Variants in OPCML observed in about 807,000 individuals in gnomAD.
The protein encoded by OPCML is opioid binding protein/cell adhesion molecule like.
Under a neutral mutation model 37.8 loss-of-function variants are expected in OPCML, and 13 were observed. The observed-to-expected ratio is 0.34, with a 90% confidence interval of 0.22 to 0.55. The LOEUF is 0.55. OPCML is among the 20% of genes least tolerant of loss of function. OPCML has a pLI of 0.91. For synonymous variants in OPCML, 176 were observed against 168.8 expected, an observed-to-expected ratio of 1.04 and a Z score of -0.33; for missense variants, 341 against 435.6, an observed-to-expected ratio of 0.78 and a Z score of 1.93.
At chr11:132,652,184 G>A (rs1047868858) in intron 3 of OPCML, among the ~76,000 whole-genome samples, 1 of 152,102 alleles carries the variant, frequency 6.6e-6, no homozygotes, top group Non-Finnish European at 1.5e-5. Context: ...TCCCTGAAGG[G>A]ATGAGCTACT....
chr11:132,437,106 T>C (rs2096015600), intron 5 of OPCML, 116 bp downstream of exon 5: 2 of 1,480,926 alleles, frequency 1.4e-6, no homozygotes, highest in Non-Finnish European at 1.8e-6. Context: ...TGATGAAGTA[T>C]TTTCCTGTTG....
At chr11:132,690,521 C>G (rs1475037487) in intron 2 of OPCML, among the ~76,000 whole-genome samples, 2 of 152,178 alleles carry the variant, frequency 1.3e-5, no homozygotes, top group Non-Finnish European at 2.9e-5. Flanking sequence ...CATGAAGTGA[C>G]TGGCATATTT....
chr11:133,215,857 C>A (rs906473967), intron 1 of OPCML, among the ~76,000 whole-genome samples: 1 of 152,158 alleles, frequency 6.6e-6, no homozygotes, highest in Admixed American at 6.5e-5. Flanking sequence ...TTGCACAAGC[C>A]GCTAAATGAA....
rs1054268172 is a variant in OPCML at position 132,983,396 on chromosome 11, A to AT, written c.62-40387dup. Among the ~76,000 whole-genome samples, 68 of 151,472 alleles carry AT rather than the reference A, an allele frequency of 4.5e-4. 1 individual carries two copies. The East Asian group carries it at 7.2e-3, about 16-fold the overall frequency. ...CAGTTACTCAAGCAATAAATATTTC[A>AT]TTTTTTTTTCCTGTGTCAACACTGC... On this transcript the variant is annotated intron_variant, in intron 1 of 7. Transcript: ENST00000524381.
chr11:133,518,429 G>A (rs1948330929), intron 1 of OPCML, among the ~76,000 whole-genome samples: 1 of 152,002 alleles, frequency 6.6e-6, no homozygotes, highest in Non-Finnish European at 1.5e-5. Flanking sequence ...ATGGGTTTGT[G>A]TGTAAGTGTG....
intron 2 of OPCML, among the ~76,000 whole-genome samples, chr11:132,858,869 G>C (rs1942175825): frequency 6.6e-6 from 1 of 152,214 alleles, no homozygotes; most frequent in Non-Finnish European, 1.5e-5. Flanking sequence ...AGCCGACTAT[G>C]AGGTAACGCA....
At chr11:132,858,850 C>T (rs1942174839) in intron 2 of OPCML, among the ~76,000 whole-genome samples, 1 of 152,122 alleles carries the variant, frequency 6.6e-6, no homozygotes, top group Admixed American at 6.5e-5. Flanking sequence ...CATAAACTAA[C>T]ATAAAGGTAG....
chr11:132,550,096 T>G (rs2096378013), intron 3 of OPCML, among the ~76,000 whole-genome samples: 1 of 152,194 alleles, frequency 6.6e-6, no homozygotes, highest in Non-Finnish European at 1.5e-5. Context: ...GGGGTTTGGA[T>G]AGGGAACTCT....
intron 2 of OPCML, among the ~76,000 whole-genome samples, chr11:132,785,246 C>T (rs914662340): frequency 3.9e-5 from 6 of 152,150 alleles, no homozygotes; most frequent in Non-Finnish European, 7.4e-5. Flanking sequence ...TAATAACTTA[C>T]GTACTTCTCA....
intron 3 of OPCML, among the ~76,000 whole-genome samples, chr11:132,641,588 C>T (rs1204407485): frequency 6.6e-6 from 1 of 152,212 alleles, no homozygotes; most frequent in Admixed American, 6.5e-5. Flanking sequence ...TTTAATAAAA[C>T]ATTTTCAAAC....
rs149907591 is a variant in OPCML, at chr11:132,663,103, T to C, written c.147-5784A>G. 5.9e-4 allele frequency among the ~76,000 whole-genome samples: 90 copies of C among 152,358 alleles called. 2 individuals carry two copies. The East Asian group carries it at 0.017, about 28-fold the overall frequency. On this transcript the variant is annotated intron_variant, in intron 2 of 7. Coordinates refer to ENST00000524381, the MANE Select transcript of OPCML (RefSeq NM_001012393.5). ...CTCCATTCTCTTTGTAATATACGGA[T>C]AATACCAAAGATCCTAGACTCTTCA...
intron 1 of OPCML, among the ~76,000 whole-genome samples, chr11:133,472,715 C>T (rs1461113853): frequency 6.6e-6 from 1 of 151,988 alleles, no homozygotes; most frequent in Non-Finnish European, 1.5e-5. Flanking sequence ...GCAAGGAATC[C>T]TTTCATTTTT....
intron 2 of OPCML, among the ~76,000 whole-genome samples, chr11:132,840,767 C>T (rs1565901971): frequency 2.6e-5 from 4 of 152,158 alleles, no homozygotes; most frequent in African/African-American, 9.6e-5. Context: ...AATTCTTTTT[C>T]AGGAGAACAG....
chr11:132,734,752 C>A (rs547316077), intron 2 of OPCML, among the ~76,000 whole-genome samples: 32 of 152,154 alleles, frequency 2.1e-4, no homozygotes, highest in African/African-American at 7.2e-4. Flanking sequence ...GAGGTGTTGC[C>A]GACTGTAAAA....
chr11:133,507,802 C>A (rs1240243851), intron 1 of OPCML, among the ~76,000 whole-genome samples: 1 of 151,996 alleles, frequency 6.6e-6, no homozygotes, highest in Non-Finnish European at 1.5e-5. Flanking sequence ...CAAAAGTTAG[C>A]CAGGCGTGGT....
intron 3 of OPCML, among the ~76,000 whole-genome samples, chr11:132,615,489 C>T (rs899829635): frequency 6.6e-6 from 1 of 152,044 alleles, no homozygotes; most frequent in East Asian, 1.9e-4. Context: ...TTTAACCAAC[C>T]ACAGAAATAC....
At chr11:133,423,630 T>C (rs528111132) in intron 1 of OPCML, among the ~76,000 whole-genome samples, 63 of 152,100 alleles carry the variant, frequency 4.1e-4, no homozygotes, top group Non-Finnish European at 6.5e-4. Flanking sequence ...TGCTGAGTGG[T>C]TGTGGAATTC....
chr11:132,693,270 G>A (rs1055056108), intron 2 of OPCML, among the ~76,000 whole-genome samples: 2 of 152,186 alleles, frequency 1.3e-5, no homozygotes, highest in African/African-American at 4.8e-5. Flanking sequence ...AGAGGAGACA[G>A]CATAGTTGTT....
intron 3 of OPCML, among the ~76,000 whole-genome samples, chr11:132,628,624 T>G: frequency 6.6e-6 from 1 of 152,154 alleles, no homozygotes; most frequent in Non-Finnish European, 1.5e-5. Flanking sequence ...TCGCCTGCCC[T>G]GATTACCCTA....
Sources: allele counts gnomAD v4.1 joint callset (sites outside exome capture counted in the v4.1 genomes callset), GRCh38; gene constraint gnomAD v4.1.1; transcripts MANE v1.5; gene names NCBI Gene and HGNC (gene_info 2026-07-23, HGNC 2026-07-21).